CPED1: variants seen among roughly 807,000 people sequenced by gnomAD.
The protein encoded by CPED1 is cadherin like and PC-esterase domain containing 1.
In CPED1, 114 loss-of-function variants were observed where a neutral mutation model predicts 128.2. That is an observed-to-expected ratio of 0.89 (90% CI 0.76 to 1.04). CPED1 has a LOEUF of 1.04. Among genes scored for constraint, CPED1 ranks in the 50% least tolerant of loss-of-function variants. The probability of loss-of-function intolerance (pLI) is 0.00; values close to 1 mark genes in which losing one functional copy is unlikely to be tolerated. For synonymous variants in CPED1, 462 were observed against 426.7 expected (o/e 1.08, Z -1.02); for missense variants, 1,211 against 1,207.1 (o/e 1.00, Z -0.05).
chr7:121,252,648 G>A (rs1057512070), intron 18 of CPED1, among the ~76,000 whole-genome samples: 1 of 152,258 alleles, frequency 6.6e-6, no homozygotes, highest in African/African-American at 2.4e-5. Context: ...CAAAAAGTGG[G>A]CAAAGGATAT....
chr7:121,091,044 T>C (rs1794561071), intron 5 of CPED1, among the ~76,000 whole-genome samples: 1 of 152,034 alleles, frequency 6.6e-6, no homozygotes, highest in South Asian at 2.1e-4. Context: ...CTGAAATAGT[T>C]CCTGGAGTTT....
intron 3 of CPED1, among the ~76,000 whole-genome samples, chr7:121,031,390 C>A (rs1027666574): frequency 2.0e-5 from 3 of 152,060 alleles, no homozygotes; most frequent in African/African-American, 7.2e-5. Flanking sequence ...CAGGTTCAAG[C>A]GATTCTCCTG....
At chr7:121,168,495 A>C (rs1358958408) in intron 16 of CPED1, among the ~76,000 whole-genome samples, 3 of 152,180 alleles carry the variant, frequency 2.0e-5, no homozygotes, top group African/African-American at 7.2e-5. Flanking sequence ...TATGGGGTAC[A>C]TGAGATGTTT....
chr7:121,129,301 ATATATATATACG>A (rs1359389706), intron 11 of CPED1, among the ~76,000 whole-genome samples: 3 of 6,298 alleles, frequency 4.8e-4, no homozygotes, highest in African/African-American at 6.6e-4. Context: ...ATATATATAT[ATATATATATACG>A]TATATATATA....
At chr7:121,249,334 A>G (rs1798613959) in intron 18 of CPED1, among the ~76,000 whole-genome samples, 1 of 152,170 alleles carries the variant, frequency 6.6e-6, no homozygotes, top group African/African-American at 2.4e-5. Flanking sequence ...AACTCCAGCT[A>G]TATGCTATAT....
chr7:121,235,458 A>C lies in CPED1; in HGVS notation c.2056-1256A>C, dbSNP rs1371631884. ...TTAATATCCTGGACCTTTTTGTATGAGATCTGGGAATCTGAGGTTAGGACA... is the reference window on the plus strand; with the variant it reads ...TTAATATCCTGGACCTTTTTGTATGCGATCTGGGAATCTGAGGTTAGGACA... On this transcript the variant is annotated intron_variant, in intron 16 of 22. Coordinates refer to ENST00000310396, the MANE Select transcript of CPED1 (RefSeq NM_024913.5). Among the ~76,000 whole-genome samples, 3 of 152,206 alleles carry C rather than the reference A, an allele frequency of 2.0e-5. No homozygotes were observed. In the South Asian group the frequency reaches 6.2e-4, roughly 32 times the overall value.
intron 5 of CPED1, among the ~76,000 whole-genome samples, chr7:121,079,434 T>A (rs1380117179): frequency 6.6e-6 from 1 of 152,236 alleles, no homozygotes; most frequent in African/African-American, 2.4e-5. Context: ...TAATCTTTCC[T>A]TCCCTTCAGC....
chr7:121,282,386 C>A (rs964184853), intron 22 of CPED1, among the ~76,000 whole-genome samples: 3 of 152,100 alleles, frequency 2.0e-5, no homozygotes, highest in African/African-American at 7.2e-5. Context: ...ATTTTAATAA[C>A]CCCAAATGGC....
chr7:121,134,945 TA>T (rs1431292753), intron 13 of CPED1, among the ~76,000 whole-genome samples: 2 of 151,736 alleles, frequency 1.3e-5, no homozygotes, highest in East Asian at 1.9e-4. Context: ...ATCAACAAAT[TA>T]AAAAAATAGA....
intron 16 of CPED1, among the ~76,000 whole-genome samples, chr7:121,208,223 G>T (rs137973976): frequency 6.6e-6 from 1 of 151,918 alleles, no homozygotes; most frequent in African/African-American, 2.4e-5. Context: ...TATATATTAC[G>T]TATCTGCATA....
Position 121,199,689 on chromosome 7 carries a change from A to AGAAAGAAAG in CPED1, c.2056-37025_2056-37024insGAAAGAAAG, listed in dbSNP as rs1381619706. On this transcript the variant is annotated intron_variant, in intron 16 of 22. Coordinates refer to ENST00000310396, the MANE Select transcript of CPED1 (RefSeq NM_024913.5). ...AGACTCCATCAAAAAAAAAAAAAAA[A>AGAAAGAAAG]AAAAAAAAAAAGAAAGAAAGAAAGA... Among the ~76,000 whole-genome samples, 23 of 40,706 alleles carry AGAAAGAAAG rather than the reference A, an allele frequency of 5.7e-4. No homozygotes were observed. The East Asian group carries it at 0.021, about 37-fold the overall frequency. 26.7% of individuals were successfully genotyped at this position (40,706 alleles called of 152,430 possible). A position where few individuals can be genotyped will look rare whatever the true frequency, so the allele number is the denominator to read the frequency against.
At chr7:121,141,165 A>G (rs1437903956) in intron 15 of CPED1, 152 bp downstream of exon 15, 6 of 544,856 alleles carry the variant, frequency 1.1e-5, no homozygotes, top group Admixed American at 4.0e-5. Flanking sequence ...TTTTTTAAAA[A>G]AGATTTGTAA....
At chr7:121,109,199 G>A (rs1295516977) in intron 7 of CPED1, among the ~76,000 whole-genome samples, 1 of 152,036 alleles carries the variant, frequency 6.6e-6, no homozygotes, top group Non-Finnish European at 1.5e-5. Context: ...TTCTCTCCCA[G>A]GACTCTTCAG....
chr7:121,206,179 C>G (rs1001083445), intron 16 of CPED1, among the ~76,000 whole-genome samples: 1 of 152,042 alleles, frequency 6.6e-6, no homozygotes, highest in Non-Finnish European at 1.5e-5. Context: ...AAGTGGGGCA[C>G]AGAGCCTTCC....
At chr7:121,102,452 A>T (rs1417280671) in intron 7 of CPED1, among the ~76,000 whole-genome samples, 1 of 152,114 alleles carries the variant, frequency 6.6e-6, no homozygotes, top group African/African-American at 2.4e-5. Flanking sequence ...ACTTTTGGTC[A>T]CTTCCCTTTG....
In CPED1 at chr7:121,266,757, T is replaced by C; in HGVS notation, c.2582T>C (p.Val861Ala). ...TGQTVLVVGG[V>A]QWLNSNHLQI... ...CAGACTGTATTGGTTGTTGGTGGTG[T>C]TCAGTGGCTTAATTCCAATCACCTG... The change falls in exon 20 of 23, where the codon GTT (valine) becomes GCT (alanine). Residue 861 changes from valine (V) to alanine (A), a missense_variant. Physicochemically the swap from Val to Ala is moderately conservative, Grantham distance 64. Transcript: ENST00000310396. The C allele has an allele frequency of 6.2e-7, 1 of 1,613,070 alleles. No individual in the cohort carries two copies. Among genetic ancestry groups the C allele is most frequent in the African/African-American group, 1.3e-5 (1 of 74,960 alleles).
chr7:121,125,763 A>G, intron 8 of CPED1, 57 bp from the exon 9 acceptor site: 1 of 1,285,042 alleles, frequency 7.8e-7, no homozygotes. Context: ...TAGTGCATTA[A>G]TAAACATCCA....
intron 17 of CPED1, among the ~76,000 whole-genome samples, chr7:121,238,130 T>G (rs1457013480): frequency 6.6e-6 from 1 of 152,204 alleles, no homozygotes; most frequent in African/African-American, 2.4e-5. Flanking sequence ...AAGTGGCAGC[T>G]TGTTCTGTTC....
intron 2 of CPED1, among the ~76,000 whole-genome samples, chr7:120,999,959 T>C (rs1041124391): frequency 3.9e-5 from 6 of 152,188 alleles, no homozygotes; most frequent in East Asian, 3.8e-4. Flanking sequence ...CTCTTGTTTT[T>C]TCAGATAGTG....
Sources: gnomAD v4.1 joint callset for allele counts (sites outside exome capture counted in the v4.1 genomes callset) on GRCh38, gnomAD v4.1.1 for gene constraint, MANE v1.5 for transcripts, NCBI Gene and HGNC (gene_info 2026-07-23, HGNC 2026-07-21) for gene names.